The following ULK4 variants were observed in gnomAD, a reference collection of about 807,000 sequenced individuals.
The protein encoded by ULK4 is unc-51 like kinase 4, also known as inactive serine/threonine-protein kinase ULK4.
A neutral mutation model predicts 160.6 loss-of-function variants in ULK4; 133 were observed. That is an observed-to-expected ratio of 0.83 (90% CI 0.72 to 0.96). ULK4 has a LOEUF of 0.96. ULK4 is among the 40% of genes least tolerant of loss of function. The probability of loss-of-function intolerance (pLI) is 0.00; values close to 1 mark genes in which losing one functional copy is unlikely to be tolerated. For synonymous variants in ULK4, 534 were observed against 539.8 expected, an observed-to-expected ratio of 0.99 and a Z score of 0.15; for missense variants, 1,580 against 1,499.5, an observed-to-expected ratio of 1.05 and a Z score of -0.89.
At chr3:41,462,152 T>C (rs2083701602) in intron 33 of ULK4, among the ~76,000 whole-genome samples, 1 of 152,190 alleles carries the variant, frequency 6.6e-6, no homozygotes, top group African/African-American at 2.4e-5. Flanking sequence ...AGCTAAATAC[T>C]TGACCAGCTT....
At chr3:41,856,683 C>G (rs965612518) in intron 17 of ULK4, among the ~76,000 whole-genome samples, 1 of 146,580 alleles carries the variant, frequency 6.8e-6, no homozygotes, top group Non-Finnish European at 1.5e-5. Flanking sequence ...ATAGTCTTTC[C>G]AGAAAAGCAT....
intron 21 of ULK4, among the ~76,000 whole-genome samples, chr3:41,765,017 G>A (rs189354101): frequency 5.9e-5 from 9 of 152,250 alleles, no homozygotes; most frequent in Admixed American, 5.2e-4. Flanking sequence ...CAGGGATCTA[G>A]AACTAGAAAT....
At chr3:41,582,905 C>T (rs1205729812) in intron 31 of ULK4, among the ~76,000 whole-genome samples, 2 of 152,232 alleles carry the variant, frequency 1.3e-5, no homozygotes, top group Non-Finnish European at 2.9e-5. Flanking sequence ...CCCTCTGAGC[C>T]TCTGCACTTT....
chr3:41,953,285 C>CATATAT (rs1553692179), intron 2 of ULK4, among the ~76,000 whole-genome samples: 11 of 85,932 alleles, frequency 1.3e-4, no homozygotes, highest in African/African-American at 3.8e-4. Flanking sequence ...CATATATACA[C>CATATAT]ATATATATAT....
chr3:41,838,072 T>C (rs538474837), intron 17 of ULK4, among the ~76,000 whole-genome samples: 167 of 152,308 alleles, frequency 1.1e-3, no homozygotes, highest in African/African-American at 3.9e-3. Context: ...TCTACTACAC[T>C]GAATCATCTG....
intron 21 of ULK4, among the ~76,000 whole-genome samples, chr3:41,762,341 A>G (rs1193482027): frequency 6.6e-6 from 1 of 152,090 alleles, no homozygotes; most frequent in Non-Finnish European, 1.5e-5. Context: ...CCATGAGTTC[A>G]ACTGTTTTAA....
chr3:41,389,922 A>C (rs2081914245), intron 35 of ULK4, among the ~76,000 whole-genome samples: 1 of 151,888 alleles, frequency 6.6e-6, no homozygotes, highest in Non-Finnish European at 1.5e-5. Flanking sequence ...CTTTTCTATT[A>C]ATTGGAATAG....
intron 31 of ULK4, among the ~76,000 whole-genome samples, chr3:41,576,267 C>G (rs1158040182): frequency 6.6e-6 from 1 of 152,196 alleles, no homozygotes; most frequent in African/African-American, 2.4e-5. Flanking sequence ...TTTCCTGAAG[C>G]TGGTGTCTGT....
At chr3:41,676,074 G>A (rs542291431) in intron 29 of ULK4, among the ~76,000 whole-genome samples, 338 of 152,268 alleles carry the variant, frequency 2.2e-3, no homozygotes, top group Non-Finnish European at 4.1e-3. Flanking sequence ...GTGAGAACCT[G>A]AGCAGAGAAC....
intron 34 of ULK4, among the ~76,000 whole-genome samples, chr3:41,409,261 AATAC>A (rs1260014818): frequency 3.9e-4 from 60 of 152,170 alleles, no homozygotes; most frequent in Non-Finnish European, 1.6e-4. Flanking sequence ...ATCTCAAAAA[AATAC>A]ATAAATAATG....
intron 35 of ULK4, among the ~76,000 whole-genome samples, chr3:41,272,343 G>GTTTTTTTTTTTTTTTTTT (rs3038324): frequency 1.0e-5 from 1 of 95,476 alleles, no homozygotes; most frequent in East Asian, 3.2e-4. Context: ...AATTTTGAAA[G>GTTTTTTTTTTTTTTTTTT]TTTTTTTTTT....
intron 35 of ULK4, among the ~76,000 whole-genome samples, chr3:41,290,499 T>C (rs1486338864): frequency 2.0e-5 from 3 of 152,172 alleles, no homozygotes; most frequent in Non-Finnish European, 4.4e-5. Flanking sequence ...AGTGCTTCTC[T>C]ACTAGGCTTG....
chr3:41,930,197 C>A (rs190402508), intron 5 of ULK4, among the ~76,000 whole-genome samples: 368 of 152,182 alleles, frequency 2.4e-3, no homozygotes, highest in African/African-American at 7.9e-3. Context: ...ACCATCTGAT[C>A]TTTGACAAAC....
chr3:41,309,034 T>A (rs571480279), intron 35 of ULK4, among the ~76,000 whole-genome samples: 10 of 152,340 alleles, frequency 6.6e-5, no homozygotes, highest in East Asian at 1.9e-4. Context: ...CTTTACTGTA[T>A]GAAAGTTATT....
At chr3:41,540,877 G>C (rs2086672071) in intron 32 of ULK4, among the ~76,000 whole-genome samples, 1 of 47,304 alleles carries the variant, frequency 2.1e-5, no homozygotes, top group Non-Finnish European at 6.3e-5. Flanking sequence ...CATTTTGATG[G>C]GGTTGTTTTT....
chr3:41,904,253 G>A (rs1698474829), intron 12 of ULK4, among the ~76,000 whole-genome samples: 1 of 151,970 alleles, frequency 6.6e-6, no homozygotes, highest in East Asian at 1.9e-4. Flanking sequence ...GGCAACATGG[G>A]GAAACCTCTA....
chr3:41,478,928 T>C (rs960203848), intron 32 of ULK4, among the ~76,000 whole-genome samples: 2 of 152,202 alleles, frequency 1.3e-5, no homozygotes, highest in Admixed American at 1.3e-4. Context: ...TACGTCCAGG[T>C]AATAAGATGG....
chr3:41,303,504 T>G lies in ULK4; in HGVS notation c.3679-53930A>C, dbSNP rs116130936. 3.6e-3 allele frequency among the ~76,000 whole-genome samples: 555 copies of G among 152,268 alleles called. 1 individual carries two copies. The highest frequency in any genetic ancestry group is 0.012 in the African/African-American group (506 of 41,550). ...AGCTGTCTCTGCGAATTCAGTGAGGTTAGTGAGGTCTCAGCTTGAGTTTTC... is the reference window on the plus strand; with the variant it reads ...AGCTGTCTCTGCGAATTCAGTGAGGGTAGTGAGGTCTCAGCTTGAGTTTTC... On this transcript the variant is annotated intron_variant, in intron 35 of 36. Coordinates refer to ENST00000301831, the MANE Select transcript of ULK4 (RefSeq NM_017886.4).
At chr3:41,612,643 T>C (rs1487972477) in intron 31 of ULK4, among the ~76,000 whole-genome samples, 1 of 152,234 alleles carries the variant, frequency 6.6e-6, no homozygotes, top group Non-Finnish European at 1.5e-5. Context: ...TTGGGGCTCG[T>C]GGTTTGCCAT....
Sources: gnomAD v4.1 joint callset for allele counts (sites outside exome capture counted in the v4.1 genomes callset) on GRCh38, gnomAD v4.1.1 for gene constraint, MANE v1.5 for transcripts, NCBI Gene and HGNC (gene_info 2026-07-23, HGNC 2026-07-21) for gene names.